Variants in RTN4 observed in about 807,000 individuals in gnomAD.
RTN4 encodes the protein reticulon-4.
In RTN4, 32 loss-of-function variants were observed where a neutral mutation model predicts 90.4. That is an observed-to-expected ratio of 0.35 (90% CI 0.27 to 0.48). The LOEUF is 0.48. RTN4 is among the 20% of genes least tolerant of loss of function. RTN4 has a pLI of 0.99. For missense variants in RTN4, 1,706 were observed against 1,430.2 expected, an observed-to-expected ratio of 1.19 and a Z score of -3.11; for synonymous variants, 629 against 552.5, an observed-to-expected ratio of 1.14 and a Z score of -1.94.
rs201394469 is a variant in RTN4 at position 55,050,158 on chromosome 2, T to A, written c.143A>T (p.Asp48Val). The A allele has an allele frequency of 6.3e-5, 98 of 1,562,148 alleles. No individual in the cohort carries two copies. The East Asian group carries it at 2.5e-3, about 39-fold the overall frequency. The change falls in exon 1 of 9, where the codon GAC becomes GTC. Residue 48 changes from aspartate to valine, a missense_variant. Transcript: ENST00000337526. This position sits in a 1 kb window ranked among gnomAD's most constrained non-coding sequence, Gnocchi z 4.6. Reference sequence around the variant, plus strand: ...CTCCAGCACCTCCAGCTCCTCCAGGTCTTCGTCCTCGTCCTCCTCTTCCTC... The same window carrying A: ...CTCCAGCACCTCCAGCTCCTCCAGGACTTCGTCCTCGTCCTCCTCTTCCTC... ...EEEEEEDEDE[D>V]LEELEVLERK...
In RTN4 at chr2:54,974,748, C is replaced by T. The variant is rs759864365; in HGVS notation, c.3377G>A (p.Trp1126Ter). Residue 1126 changes from tryptophan (W) to a stop codon, truncating the protein, a stop_gained, in exon 6 of 9, where the codon TGG becomes TAG. Transcript: ENST00000337526. LOFTEE classifies it high-confidence loss of function. ...VDSLKFAVLM[W>*]VFTYVGALFN... ...CAAGGCACCAACATAGGTAAATACC[C>T]ACATCAACACTGCAAACTATAAGAA... The T allele has an allele frequency of 6.2e-7, 1 of 1,613,626 alleles. No individual in the cohort carries two copies. Among genetic ancestry groups the T allele is most frequent in the African/African-American group, 1.3e-5 (1 of 75,014 alleles).
chr2:55,025,181 A>G lies in RTN4; in HGVS notation c.2918T>C (p.Leu973Pro). The stretch of plus-strand genomic sequence containing the variant: ...AAGTTTTTTCTCAGCTTCTTTCACA[A>G]GAACTTTGGGTTTAACTATGCTCTC... ...EIESIVKPKVLVKEAEKKLPS... is the reference protein window; with the variant it reads ...EIESIVKPKVPVKEAEKKLPS... The change falls in exon 3 of 9, where the codon CTT (leucine) becomes CCT (proline). Residue 973 changes from leucine to proline, a missense_variant. Physicochemically the swap from Leu to Pro is moderately conservative, Grantham distance 98. Coordinates refer to ENST00000337526, the MANE Select transcript of RTN4 (RefSeq NM_020532.5). 1.9e-6 allele frequency: 3 copies of G among 1,613,818 alleles called. No homozygotes were observed. Among genetic ancestry groups the G allele is most frequent in the Non-Finnish European group, 2.5e-6 (3 of 1,179,802 alleles).
At chr2:55,013,607 TTG>T (rs1491420121) in intron 3 of RTN4, among the ~76,000 whole-genome samples, 10 of 52,192 alleles carry the variant, frequency 1.9e-4, no homozygotes, top group South Asian at 1.2e-3. Flanking sequence ...GGGTTTTTTT[TTG>T]GGGGGGGGGG....
At chr2:54,996,775 C>T (rs534399809) in intron 3 of RTN4, among the ~76,000 whole-genome samples, 2 of 152,200 alleles carry the variant, frequency 1.3e-5, no homozygotes, top group Admixed American at 6.5e-5. Flanking sequence ...TTGTTATTGT[C>T]GCTGAGACAA....
chr2:55,002,997 A>G (rs949734161), intron 3 of RTN4, among the ~76,000 whole-genome samples: 2 of 152,232 alleles, frequency 1.3e-5, no homozygotes, highest in East Asian at 3.8e-4. Context: ...GCTTAAAATA[A>G]GTAGGCACCA....
Position 54,973,547 on chromosome 2 carries a change from G to GAT in RTN4, c.3536+14_3536+15dup. ...ACCTTATCCTAGTAAAAACACTGCA[G>GAT]ATTTTAAATACTTACTTAGCCATAG... On this transcript the variant is annotated intron_variant, in intron 8 of 8. Transcript: ENST00000337526. 6.3e-7 allele frequency: 1 copy of GAT among 1,583,168 alleles called. No homozygotes were observed. Among genetic ancestry groups the GAT allele is most frequent in the Non-Finnish European group, 8.7e-7 (1 of 1,152,058 alleles).
At position 54,973,096 on chromosome 2, in the gene RTN4, C is replaced by T. The variant is rs1054866991; in HGVS notation, c.*60G>A. 16 of 1,410,640 alleles carry T rather than the reference C, an allele frequency of 1.1e-5. No individual in the cohort carries two copies. Among genetic ancestry groups the T allele is most frequent in the South Asian group, 4.8e-5 (4 of 83,148 alleles). The allele number at this position is 1,410,640 out of a possible 1,614,324, so 87.4% of individuals were successfully genotyped here. ...GGTTCGTTCTTCCCTGACCCTCCCCCGTATAATCAAATGAATATCCCCTTT... is the reference window on the plus strand; with the variant it reads ...GGTTCGTTCTTCCCTGACCCTCCCCTGTATAATCAAATGAATATCCCCTTT... On this transcript the variant is annotated 3_prime_UTR_variant, in exon 9 of 9. Transcript: ENST00000337526.
intron 4 of RTN4, among the ~76,000 whole-genome samples, chr2:54,983,525 C>T (rs1211114849): frequency 2.0e-5 from 3 of 152,094 alleles, no homozygotes; most frequent in Non-Finnish European, 4.4e-5. Flanking sequence ...CTCAGGATGC[C>T]AGTTTCTTAC....
At chr2:54,988,207 C>T (rs1323681256) in intron 3 of RTN4, among the ~76,000 whole-genome samples, 2 of 152,098 alleles carry the variant, frequency 1.3e-5, no homozygotes, top group African/African-American at 2.4e-5. Flanking sequence ...ATTCCAGCTA[C>T]TCGGGAGGCT....
At position 55,025,972 on chromosome 2, in the gene RTN4, A is replaced by G. The variant is rs747941397; in HGVS notation, c.2127T>C (p.Ala709=). Residue 709 remains alanine (A), a synonymous_variant, in exon 3 of 9, where the codon GCT becomes GCC. Transcript: ENST00000337526. ...AATCAGAGAAATCCGGAGCTGGTTC[A>G]GCAGAAAGCTTTGTTTCTTTAATTA... ...CDLIKETKLS[A]EPAPDFSDYS... is the part of the protein sequence containing the mutation. 1 of 1,612,992 alleles carries G rather than the reference A, an allele frequency of 6.2e-7. No individual in the cohort carries two copies. Among genetic ancestry groups the G allele is most frequent in the Non-Finnish European group, 8.5e-7 (1 of 1,179,824 alleles).
intron 1 of RTN4, among the ~76,000 whole-genome samples, chr2:55,034,735 T>C (rs2104909275): frequency 6.6e-6 from 1 of 152,264 alleles, no homozygotes; most frequent in East Asian, 1.9e-4. Context: ...AATATACAGG[T>C]AGATGTTAAT....
chr2:55,101,142 A>T (rs1292066238), intron 1 of RTN4, among the ~76,000 whole-genome samples: 1 of 152,056 alleles, frequency 6.6e-6, no homozygotes, highest in East Asian at 1.9e-4. Context: ...GTAAAATAAT[A>T]ATTATTTTAC....
chr2:55,106,788 G>C (rs573244186), intron 1 of RTN4, among the ~76,000 whole-genome samples: 30 of 152,144 alleles, frequency 2.0e-4, no homozygotes, highest in Non-Finnish European at 4.1e-4. Context: ...CCAAAGTGTT[G>C]GGATTACAGG....
At chr2:55,047,084 T>C (rs1199225045) in intron 1 of RTN4, among the ~76,000 whole-genome samples, 1 of 152,186 alleles carries the variant, frequency 6.6e-6, no homozygotes, top group Non-Finnish European at 1.5e-5. Context: ...CCCAACACTT[T>C]GGGAGGCCAA....
At position 55,050,178 on chromosome 2, in the gene RTN4, T is replaced by TTCC. The variant is rs1268269652; in HGVS notation, c.120_122dup (p.Glu43dup). The TTCC allele has an allele frequency of 6.4e-7, 1 of 1,569,026 alleles. No homozygotes were observed. Among genetic ancestry groups the TTCC allele is most frequent in the African/African-American group, 1.4e-5 (1 of 71,866 alleles). On this transcript the variant is annotated inframe_insertion, in exon 1 of 9. Transcript: ENST00000337526. This position sits in a 1 kb window ranked among gnomAD's most constrained non-coding sequence, Gnocchi z 4.6. The stretch of plus-strand genomic sequence containing the variant: ...CCAGGTCTTCGTCCTCGTCCTCCTC[T>TTCC]TCCTCCTCCTCTTCTTCCTCCTCGT...
chr2:54,996,915 T>C (rs1470915680), intron 3 of RTN4, among the ~76,000 whole-genome samples: 2 of 152,138 alleles, frequency 1.3e-5, no homozygotes, highest in African/African-American at 4.8e-5. Context: ...TCACAGCACC[T>C]AGCCAGAAAA....
intron 3 of RTN4, among the ~76,000 whole-genome samples, chr2:55,011,465 C>G (rs1180376205): frequency 1.4e-4 from 21 of 152,162 alleles, no homozygotes; most frequent in Non-Finnish European, 3.1e-4. Context: ...ATACTTATAT[C>G]TGCCTAAGCA....
chr2:55,076,671 G>C (rs572086408), intron 2 of RTN4, among the ~76,000 whole-genome samples: 1 of 152,148 alleles, frequency 6.6e-6, no homozygotes, highest in East Asian at 1.9e-4. Flanking sequence ...TGGGATTACA[G>C]GCGAGAGCCA....
intron 2 of RTN4, among the ~76,000 whole-genome samples, chr2:55,058,222 A>G (rs920509889): frequency 2.0e-5 from 3 of 152,258 alleles, no homozygotes; most frequent in East Asian, 3.9e-4. Context: ...TACTAAATTA[A>G]TCTTCTATTC....
Sources: allele counts gnomAD v4.1 joint callset (sites outside exome capture counted in the v4.1 genomes callset), GRCh38; gene constraint gnomAD v4.1.1; non-coding constraint Gnocchi (gnomAD v3.1); transcripts MANE v1.5; gene names NCBI Gene and HGNC (gene_info 2026-07-23, HGNC 2026-07-21).